The following MGAM2 variants were observed in gnomAD, a reference collection of about 807,000 sequenced individuals.
MGAM2 encodes maltase-glucoamylase 2 (putative).
In MGAM2, 98 loss-of-function variants were observed where a neutral mutation model predicts 96.1. The ratio of observed to expected loss-of-function variants is 1.02; its 90% CI spans 0.87 to 1.21. MGAM2 has a LOEUF of 1.21. Among genes scored for constraint, MGAM2 ranks in the 50% most tolerant of loss-of-function variants. MGAM2 has a pLI of 0.00. For missense variants in MGAM2, 2,055 were observed against 1,182.4 expected (o/e 1.74, Z -10.82); for synonymous variants, 749 against 414.8 (o/e 1.81, Z -9.79).
At chr7:142,216,253 A>AT (rs1797757120) in intron 46 of MGAM2, among the ~76,000 whole-genome samples, 1 of 152,158 alleles carries the variant, frequency 6.6e-6, no homozygotes, top group African/African-American at 2.4e-5. Context: ...CTCAAATATT[A>AT]TTTTAATGAA....
intron 46 of MGAM2, among the ~76,000 whole-genome samples, chr7:142,208,932 A>G (rs1173520375): frequency 6.6e-6 from 1 of 152,234 alleles, no homozygotes; most frequent in African/African-American, 2.4e-5. Context: ...TGAAAGAAAA[A>G]TGCTATATAA....
chr7:142,124,385 G>A (rs1399970787), intron 3 of MGAM2, among the ~76,000 whole-genome samples: 1 of 151,934 alleles, frequency 6.6e-6, no homozygotes, highest in Non-Finnish European at 1.5e-5. Context: ...GTCTTTATAG[G>A]TATGGATCTG....
intron 2 of MGAM2, among the ~76,000 whole-genome samples, chr7:142,117,931 G>T (rs77130021): frequency 0.036 from 5,384 of 148,878 alleles, 113 homozygotes; most frequent in Middle Eastern, 0.097. Context: ...GCTTTCAACT[G>T]TTTTTTTTTC....
intron 22 of MGAM2, 23 bp downstream of exon 22, chr7:142,161,236 C>A (rs961372228): frequency 1.0e-5 from 7 of 701,208 alleles, no homozygotes; most frequent in African/African-American, 3.5e-5. Context: ...AAGGCACCAT[C>A]CCTGTGGATC....
At chr7:142,165,802 T>C (rs2129088096) in intron 24 of MGAM2, among the ~76,000 whole-genome samples, 1 of 152,344 alleles carries the variant, frequency 6.6e-6, no homozygotes, top group East Asian at 1.9e-4. Context: ...TTGTTATTAC[T>C]ACTTTTATTA....
In MGAM2 at chr7:142,166,428, T is replaced by A. The variant is rs147280099; in HGVS notation, c.2808+175T>A. ...TCAGACATCCCAAATCAGAAGAAAC[T>A]TATTGCCATTCTCATTGCCACTCCA... On this transcript the variant is annotated intron_variant, in intron 25 of 47. Transcript: ENST00000477922. Among the ~76,000 whole-genome samples, 140 of 152,212 alleles carry A rather than the reference T, an allele frequency of 9.2e-4. 1 individual carries two copies. In the Middle Eastern group the frequency reaches 0.031, roughly 33 times the overall value.
Position 142,170,057 on chromosome 7 carries a change from C to T in MGAM2, c.3028-18C>T. 1 of 687,810 alleles carries T rather than the reference C, an allele frequency of 1.5e-6. No homozygotes were observed. The highest frequency in any genetic ancestry group is 2.6e-6 in the Non-Finnish European group (1 of 379,254). 42.6% of individuals were successfully genotyped at this position (687,810 alleles called of 1,614,324 possible). A position where few individuals can be genotyped will look rare whatever the true frequency, so the allele number is the denominator to read the frequency against. On this transcript the variant is annotated intron_variant, in intron 26 of 47. Coordinates refer to ENST00000477922, the MANE Select transcript of MGAM2 (RefSeq NM_001293626.2). ...GTCTGAGACCCTAACAGAAAGTTTT[C>T]TTCTCTCTTCTTGCCAGATCTATGA...
intron 29 of MGAM2, 62 bp downstream of exon 29, chr7:142,172,256 C>A (rs1796219238): frequency 1.5e-6 from 1 of 656,008 alleles, no homozygotes; most frequent in Admixed American, 2.2e-5. Context: ...CTATTTTGAC[C>A]TGGTATCAAT....
chr7:142,166,500 G>A (rs888854464), intron 25 of MGAM2, among the ~76,000 whole-genome samples: 1 of 152,126 alleles, frequency 6.6e-6, no homozygotes, highest in Non-Finnish European at 1.5e-5. Flanking sequence ...TGTACATTGG[G>A]TATGCATTAT....
chr7:142,132,232 AAC>A (rs1794909919), intron 6 of MGAM2, 147 bp downstream of exon 6: 10 of 472,766 alleles, frequency 2.1e-5, no homozygotes, highest in Non-Finnish European at 3.7e-5. Context: ...GCTGTAAAAT[AAC>A]AGTGTTAGCC....
intron 36 of MGAM2, among the ~76,000 whole-genome samples, chr7:142,188,964 T>C (rs1430276995): frequency 2.0e-5 from 3 of 152,204 alleles, no homozygotes; most frequent in Non-Finnish European, 4.4e-5. Flanking sequence ...TACTTATGTA[T>C]CAAGCAAATG....
intron 2 of MGAM2, among the ~76,000 whole-genome samples, chr7:142,119,773 C>A (rs934253374): frequency 1.3e-5 from 2 of 152,160 alleles, no homozygotes; most frequent in Non-Finnish European, 2.9e-5. Flanking sequence ...CCTGCAAAAC[C>A]TTATGCCAGG....
intron 32 of MGAM2, among the ~76,000 whole-genome samples, chr7:142,180,670 C>A (rs1050738879): frequency 1.3e-5 from 2 of 152,196 alleles, no homozygotes; most frequent in African/African-American, 4.8e-5. Context: ...CTCAGGAATG[C>A]CAATGAGTCA....
intron 26 of MGAM2, among the ~76,000 whole-genome samples, chr7:142,169,445 GA>G (rs535072266): frequency 1.3e-5 from 2 of 151,914 alleles, no homozygotes; most frequent in Non-Finnish European, 2.9e-5. Flanking sequence ...AAAAAAGAAA[GA>G]AGAAAACCTT....
chr7:142,152,056 G>A (rs574318951), intron 15 of MGAM2, among the ~76,000 whole-genome samples: 63 of 150,778 alleles, frequency 4.2e-4, no homozygotes, highest in Admixed American at 1.1e-3. Flanking sequence ...GGAGACTAGA[G>A]TCTTTCAGTG....
rs113319264 is a variant in MGAM2, at chr7:142,171,506, C to G, written c.3351+66C>G. The G allele has an allele frequency of 3.3e-3, 2,183 of 666,470 alleles. 40 individuals carry two copies. In the African/African-American group the frequency reaches 0.034, roughly 10 times the overall value. The allele number at this position is 666,470 out of a possible 1,614,324, so 41.3% of individuals were successfully genotyped here. A position where few individuals can be genotyped will look rare whatever the true frequency, so the allele number is the denominator to read the frequency against. ...ATGTAAATCTCTTTTAATCCTTATG[C>G]TTATATATGATACCTTGCTCATCAA... On this transcript the variant is annotated intron_variant, in intron 28 of 47. Coordinates refer to ENST00000477922, the MANE Select transcript of MGAM2 (RefSeq NM_001293626.2).
At chr7:142,139,645 G>A (rs953888494) in intron 10 of MGAM2, among the ~76,000 whole-genome samples, 1 of 144,214 alleles carries the variant, frequency 6.9e-6, no homozygotes, top group African/African-American at 2.6e-5. Context: ...GGGTGACAGA[G>A]TGAGGCTCTA....
chr7:142,211,706 C>A (rs542729551), intron 46 of MGAM2, among the ~76,000 whole-genome samples: 15 of 152,248 alleles, frequency 9.9e-5, no homozygotes, highest in African/African-American at 3.6e-4. Flanking sequence ...AAGACCAAAC[C>A]TACATTTGAT....
At position 142,140,471 on chromosome 7, in the gene MGAM2, A is replaced by T. The variant is rs193280750; in HGVS notation, c.1087-331A>T. Among the ~76,000 whole-genome samples the T allele has an allele frequency of 2.0e-3, 311 of 152,306 alleles. 1 individual carries two copies. Among genetic ancestry groups the T allele is most frequent in the African/African-American group, 4.7e-3 (194 of 41,552 alleles). On this transcript the variant is annotated intron_variant, in intron 10 of 47. Transcript: ENST00000477922. Reference sequence around the variant, plus strand: ...GGTTATAACATTAATAATATGATTCATTCAAACAACCATTTAAAGAGCGTC... The same window carrying T: ...GGTTATAACATTAATAATATGATTCTTTCAAACAACCATTTAAAGAGCGTC...
Sources: allele counts gnomAD v4.1 joint callset (sites outside exome capture counted in the v4.1 genomes callset), GRCh38; gene constraint gnomAD v4.1.1; transcripts MANE v1.5; gene names NCBI Gene and HGNC (gene_info 2026-07-23, HGNC 2026-07-21).